The following ITIH6 variants were observed in gnomAD, a reference collection of about 807,000 sequenced individuals.
ITIH6 encodes the protein inter-alpha-trypsin inhibitor heavy chain H6.
Under a neutral mutation model 58.2 loss-of-function variants are expected in ITIH6, and 60 were observed. That is an observed-to-expected ratio of 1.03 (90% CI 0.84 to 1.28). ITIH6 has a LOEUF of 1.28. ITIH6 is among the 50% of genes most tolerant of loss of function. ITIH6 has a pLI of 0.00. For synonymous variants in ITIH6, 493 were observed against 417.4 expected, an observed-to-expected ratio of 1.18 and a Z score of -2.21; for missense variants, 1,290 against 1,021.1, an observed-to-expected ratio of 1.26 and a Z score of -3.59.
intron 5 of ITIH6, among the ~76,000 whole-genome samples, chrX:54,782,364 C>T (rs1319976489): frequency 1.8e-5 from 2 of 110,974 alleles, no homozygotes; most frequent in African/African-American, 3.3e-5. Flanking sequence ...TGTGGTGAGC[C>T]GAGATTGTGC....
chrX:54,790,893 G>A lies in ITIH6; in HGVS notation c.560C>T (p.Ser187Phe), dbSNP rs754590606. ...CCTCAGGGGTGGTATGTGCACATAG[G>A]AGATGCCTGTCCTTTCTGACACTGT... The part of the protein sequence containing the change: ...EVTVSERTGI[S>F]YVHIPPLRTG... Residue 187 changes from serine to phenylalanine, a missense_variant, in exon 4 of 13, where the codon TCC becomes TTC. Physicochemically the swap from Ser to Phe is radical, Grantham distance 155. Coordinates refer to ENST00000218436, the MANE Select transcript of ITIH6 (RefSeq NM_198510.3). 1.4e-5 allele frequency: 17 copies of A among 1,211,006 alleles called. No individual in the cohort carries two copies. The East Asian group carries it at 4.4e-4, about 32-fold the overall frequency.
Position 54,798,246 on chromosome X carries a change from C to T in ITIH6, c.-36G>A. ...CTGGCCTGGATCTGTTGTTCACATCCAGAAGATCTGAGCCCGATCTCCAAA... is the reference window on the plus strand; with the variant it reads ...CTGGCCTGGATCTGTTGTTCACATCTAGAAGATCTGAGCCCGATCTCCAAA... On this transcript the variant is annotated 5_prime_UTR_variant, in exon 1 of 13. Transcript: ENST00000218436. The T allele has an allele frequency of 1.0e-6, 1 of 982,100 alleles. No individual in the cohort carries two copies. The highest frequency in any genetic ancestry group is 1.4e-6 in the Non-Finnish European group (1 of 706,255). The allele number at this position is 982,100 out of a possible 1,213,427, so 80.9% of individuals were successfully genotyped here.
At chrX:54,759,423 G>T (rs1014794885) in intron 7 of ITIH6, among the ~76,000 whole-genome samples, 1 of 111,688 alleles carries the variant, frequency 9.0e-6, no homozygotes, top group Non-Finnish European at 1.9e-5. Flanking sequence ...CTAGAATCAG[G>T]GCAGCAGCTT....
At chrX:54,787,801 A>T (rs2147619383) in intron 5 of ITIH6, 1 of 110,891 alleles carries the variant, frequency 9.0e-6, no homozygotes, top group African/African-American at 3.3e-5. Context: ...CACAGAGGAG[A>T]GGCAGGCTTG....
intron 5 of ITIH6, among the ~76,000 whole-genome samples, chrX:54,778,986 A>G (rs958448561): frequency 8.9e-6 from 1 of 112,496 alleles, no homozygotes; most frequent in Non-Finnish European, 1.9e-5. Flanking sequence ...ATGTATTTAA[A>G]ATGCTGAAGG....
In ITIH6 at chrX:54,753,974, G is replaced by C. The variant is rs1244380776; in HGVS notation, c.3203-9C>G. 8.3e-7 allele frequency: 1 copy of C among 1,205,325 alleles called. No homozygotes were observed. Among genetic ancestry groups the C allele is most frequent in the Non-Finnish European group, 1.1e-6 (1 of 891,937 alleles). On this transcript the variant is annotated splice_polypyrimidine_tract_variant and intron_variant, in intron 9 of 12. Transcript: ENST00000218436. ...GATGCTAGGCAATGTGCCTGCAAAG[G>C]AGAGAGAGACTGTGTTGGGAAGGGA...
rs1403309977 is a variant in ITIH6 at position 54,790,820 on chromosome X, T to C, written c.616+17A>G. The C allele has an allele frequency of 8.3e-7, 1 of 1,210,833 alleles. No homozygotes were observed. Among genetic ancestry groups the C allele is most frequent in the Admixed American group, 2.2e-5 (1 of 46,126 alleles). ...GAAGGCCAGTCTGATGGGTGACCCA[T>C]AGTGCTGCCCACATACTTGCATGGG... On this transcript the variant is annotated intron_variant, in intron 4 of 12. Transcript: ENST00000218436.
At chrX:54,781,513 A>T (rs1382506276) in intron 5 of ITIH6, among the ~76,000 whole-genome samples, 1 of 112,457 alleles carries the variant, frequency 8.9e-6, no homozygotes, top group African/African-American at 3.2e-5. Context: ...GAGAAACACA[A>T]ATCAAAACCA....
intron 3 of ITIH6, 108 bp downstream of exon 3, chrX:54,791,818 T>G: frequency 2.1e-6 from 1 of 472,013 alleles, no homozygotes; most frequent in Non-Finnish European, 3.8e-6. Context: ...GTAGAGGTCA[T>G]GTCCCCACTC....
intron 11 of ITIH6, among the ~76,000 whole-genome samples, chrX:54,752,739 G>A (rs1368513567): frequency 8.9e-6 from 1 of 111,983 alleles, no homozygotes. Context: ...TAAACAAGTG[G>A]GATCAAGATC....
intron 4 of ITIH6, among the ~76,000 whole-genome samples, chrX:54,790,473 G>A (rs914620589): frequency 3.6e-5 from 4 of 112,267 alleles, no homozygotes; most frequent in Non-Finnish European, 7.5e-5. Flanking sequence ...TTCTCAGTGG[G>A]GATCCAGGGA....
In ITIH6 at chrX:54,790,921, C is replaced by A; in HGVS notation, c.532G>T (p.Val178Phe). The change falls in exon 4 of 13, where the codon GTT becomes TTT. Residue 178 changes from valine (V) to phenylalanine (F), a missense_variant. Val to Phe is a conservative substitution (Grantham distance 50). Transcript: ENST00000218436. ...ATGCCTGTCCTTTCTGACACTGTAA[C>A]CTCTATGCTCAGCCTCTTCACCAAT... ...GQLVKRLSIE[V>F]TVSERTGISY... The A allele has an allele frequency of 8.2e-7, 1 of 1,212,181 alleles. No homozygotes were observed. Among genetic ancestry groups the A allele is most frequent in the Non-Finnish European group, 1.1e-6 (1 of 895,572 alleles).
chrX:54,795,192 T>C (rs753256212), intron 2 of ITIH6, among the ~76,000 whole-genome samples: 1 of 111,603 alleles, frequency 9.0e-6, no homozygotes, highest in Admixed American at 9.5e-5. Flanking sequence ...CATGTCTCCT[T>C]ATTATGGCCC....
intron 11 of ITIH6, among the ~76,000 whole-genome samples, 199 bp from the exon 12 acceptor site, chrX:54,751,579 C>T (rs997203735): frequency 8.9e-6 from 1 of 112,204 alleles, no homozygotes; most frequent in African/African-American, 3.2e-5. Context: ...TGTGTGCACA[C>T]GCTTACCCCA....
intron 6 of ITIH6, among the ~76,000 whole-genome samples, chrX:54,765,501 C>A (rs757447526): frequency 2.6e-4 from 28 of 108,516 alleles, no homozygotes; most frequent in African/African-American, 8.8e-4. Flanking sequence ...TTCCCAGCAC[C>A]ATTTATTAAA....
chrX:54,783,809 C>T (rs1330972685), intron 5 of ITIH6, among the ~76,000 whole-genome samples: 1 of 112,077 alleles, frequency 8.9e-6, no homozygotes, highest in African/African-American at 3.2e-5. Flanking sequence ...ATCGCAATGA[C>T]ATTCTTCACA....
Position 54,751,230 on chromosome X carries a change from C to T in ITIH6, c.3503G>A (p.Gly1168Asp), listed in dbSNP as rs1391994194. ...CCAGGACAGGCGCAAGGTACCCTCG[C>T]CTCGCAAAGATATAGAACTGCGGCT... ...TISRSSISLR[G>D]EGTLRLSWDQ... Residue 1168 changes from glycine (G) to aspartate (D), a missense_variant, in exon 12 of 13, where the codon GGC becomes GAC. By Grantham distance (94) the Gly-to-Asp change is moderately conservative. Coordinates refer to ENST00000218436, the MANE Select transcript of ITIH6 (RefSeq NM_198510.3). The T allele has an allele frequency of 1.7e-6, 2 of 1,211,830 alleles. No individual in the cohort carries two copies. Among genetic ancestry groups the T allele is most frequent in the South Asian group, 1.8e-5 (1 of 56,971 alleles).
intron 6 of ITIH6, among the ~76,000 whole-genome samples, chrX:54,768,277 ATG>A (rs1418658028): frequency 4.6e-5 from 3 of 65,856 alleles, no homozygotes; most frequent in Non-Finnish European, 8.1e-5. Flanking sequence ...TTTTGAGCCT[ATG>A]TGTGTCTCTG....
chrX:54,773,258 G>C (rs142979051), intron 6 of ITIH6, among the ~76,000 whole-genome samples: 200 of 111,401 alleles, frequency 1.8e-3, no homozygotes, highest in African/African-American at 6.1e-3. Context: ...AACTTCACAA[G>C]GACTTCTGAG....
Sources: allele counts gnomAD v4.1 joint callset (sites outside exome capture counted in the v4.1 genomes callset), GRCh38; gene constraint gnomAD v4.1.1; transcripts MANE v1.5; gene names NCBI Gene and HGNC (gene_info 2026-07-23, HGNC 2026-07-21).